TTC23: variants seen among roughly 807,000 people sequenced by gnomAD.
TTC23 encodes the protein tetratricopeptide repeat protein 23.
In TTC23, 58 loss-of-function variants were observed where a neutral mutation model predicts 55.1. The observed-to-expected ratio is 1.05, with a 90% CI of 0.85 to 1.31. The LOEUF (loss-of-function observed/expected upper bound fraction) is 1.31. TTC23 is among the 50% of genes most tolerant of loss of function. The pLI is 0.00. For synonymous variants in TTC23, 203 were observed against 199.9 expected (o/e 1.02, Z -0.13); for missense variants, 516 against 534.4 (o/e 0.97, Z 0.34).
intron 10 of TTC23, among the ~76,000 whole-genome samples, chr15:99,166,580 G>A (rs902138917): frequency 3.3e-5 from 5 of 152,234 alleles, no homozygotes; most frequent in Middle Eastern, 3.2e-3. Context: ...TGAAGGCAAC[G>A]CGGCTATCAA....
chr15:99,214,916 C>A (rs1017626904), intron 8 of TTC23, among the ~76,000 whole-genome samples: 1 of 123,526 alleles, frequency 8.1e-6, no homozygotes, highest in African/African-American at 3.1e-5. Flanking sequence ...AGTGCAATGG[C>A]GCGATCTTGG....
intron 5 of TTC23, among the ~76,000 whole-genome samples, chr15:99,226,071 A>G (rs1386635265): frequency 6.6e-6 from 1 of 152,250 alleles, no homozygotes; most frequent in Middle Eastern, 3.2e-3. Flanking sequence ...TATTTCCAAG[A>G]TATCAAGATC....
intron 10 of TTC23, 124 bp from the exon 11 acceptor site, chr15:99,161,991 T>C: frequency 9.9e-7 from 1 of 1,008,940 alleles, no homozygotes; most frequent in Non-Finnish European, 1.4e-6. Flanking sequence ...AAAAAACAGT[T>C]AAGACTGTCC....
chr15:99,144,987 A>T (rs1172713318), intron 12 of TTC23: 4 of 152,230 alleles, frequency 2.6e-5, no homozygotes, highest in Non-Finnish European at 4.4e-5. Flanking sequence ...AAATGTGATA[A>T]ATCTTTCAAG....
In TTC23 at chr15:99,200,078, C is replaced by T. The variant is rs1193586491; in HGVS notation, c.600G>A (p.Lys200=). Residue 200 remains lysine, a synonymous_variant, in exon 9 of 14, where the codon AAG becomes AAA. Transcript: ENST00000394132. ...AGTGGGACAAAGCTTCTTTTGACTT[C>T]TTCTGACCTTGATACACCCTAAAAA... ...LSFAQVYQGQ[K]KSKEALSHYQ... is the part of the protein sequence containing the mutation. 1 of 1,608,836 alleles carries T rather than the reference C, an allele frequency of 6.2e-7. No homozygotes were observed.
chr15:99,171,129 C>A (rs2072868772), intron 10 of TTC23, among the ~76,000 whole-genome samples: 1 of 152,238 alleles, frequency 6.6e-6, no homozygotes, highest in African/African-American at 2.4e-5. Flanking sequence ...GCATTTGTTT[C>A]CAGCCACTGC....
chr15:99,192,594 T>G (rs2075336110), intron 9 of TTC23, among the ~76,000 whole-genome samples: 1 of 152,152 alleles, frequency 6.6e-6, no homozygotes. Flanking sequence ...TTTCACAAGA[T>G]GTATGGAAAT....
intron 9 of TTC23, among the ~76,000 whole-genome samples, chr15:99,193,116 C>A (rs1026627408): frequency 2.0e-5 from 3 of 152,184 alleles, no homozygotes; most frequent in Non-Finnish European, 4.4e-5. Flanking sequence ...TGCTTTTTGA[C>A]TTTACAGGCT....
chr15:99,187,629 T>C (rs374307275), intron 9 of TTC23, among the ~76,000 whole-genome samples: 21 of 151,994 alleles, frequency 1.4e-4, no homozygotes, highest in African/African-American at 4.8e-4. Context: ...TAAATAACTA[T>C]TATCAGTCAA....
intron 12 of TTC23, chr15:99,140,815 A>G (rs1380768495): frequency 6.6e-6 from 1 of 152,240 alleles, no homozygotes; most frequent in African/African-American, 2.4e-5. Context: ...AAGACAAGCC[A>G]CGCTGAGGAA....
intron 5 of TTC23, among the ~76,000 whole-genome samples, chr15:99,227,619 T>C (rs1036669184): frequency 6.6e-6 from 1 of 152,220 alleles, no homozygotes; most frequent in African/African-American, 2.4e-5. Context: ...ACTCTTTCAC[T>C]AGGCCTTGAG....
chr15:99,146,321 C>G (rs2068853561), intron 12 of TTC23, among the ~76,000 whole-genome samples: 3 of 152,204 alleles, frequency 2.0e-5, no homozygotes, highest in Admixed American at 2.0e-4. Flanking sequence ...AAAGCTGGGC[C>G]TTCTGAGCTG....
chr15:99,186,005 A>G (rs2151955612), intron 9 of TTC23, among the ~76,000 whole-genome samples: 1 of 152,278 alleles, frequency 6.6e-6, no homozygotes, highest in South Asian at 2.1e-4. Context: ...AAATAACAAA[A>G]CCTCTTTGTG....
intron 9 of TTC23, among the ~76,000 whole-genome samples, chr15:99,190,999 G>C (rs543874957): frequency 1.5e-3 from 235 of 152,080 alleles, no homozygotes; most frequent in African/African-American, 5.4e-3. Flanking sequence ...TGCCCAGGCT[G>C]GTCTTGAACT....
chr15:99,184,092 G>A (rs1415962144), intron 9 of TTC23, among the ~76,000 whole-genome samples: 1 of 152,200 alleles, frequency 6.6e-6, no homozygotes, highest in Non-Finnish European at 1.5e-5. Context: ...TGAGGTTTGC[G>A]AACCTCTGGC....
intron 9 of TTC23, among the ~76,000 whole-genome samples, chr15:99,193,588 T>C (rs943501996): frequency 6.6e-6 from 1 of 152,214 alleles, no homozygotes; most frequent in African/African-American, 2.4e-5. Flanking sequence ...CCTCTTTCTT[T>C]TGTAAGTTGC....
rs1322585696 is a variant in TTC23, at chr15:99,221,872, G to A, written c.181-8C>T. The A allele has an allele frequency of 3.1e-6, 5 of 1,613,276 alleles. 1 individual carries two copies. The South Asian group carries it at 5.5e-5, about 18-fold the overall frequency. On this transcript the variant is annotated splice_region_variant and splice_polypyrimidine_tract_variant and intron_variant, in intron 5 of 13. Coordinates refer to ENST00000394132, the MANE Select transcript of TTC23 (RefSeq NM_001288615.3). ...ATGGACGGCCTGTTTGTACTGTTAG[G>A]AAGAGAAAACAGGCTTACCAGTTAT...
chr15:99,221,561 T>C (rs572519085), intron 6 of TTC23, among the ~76,000 whole-genome samples, 180 bp downstream of exon 6: 3 of 152,322 alleles, frequency 2.0e-5, no homozygotes, highest in African/African-American at 7.2e-5. Flanking sequence ...TTTCCATTTT[T>C]CCCCTTTGAA....
chr15:99,206,165 G>T (rs1385796975), intron 8 of TTC23, among the ~76,000 whole-genome samples: 1 of 152,250 alleles, frequency 6.6e-6, no homozygotes, highest in South Asian at 2.1e-4. Context: ...TTGCATCCCT[G>T]GGATGAATTC....
Sources: gnomAD v4.1 joint callset for allele counts (sites outside exome capture counted in the v4.1 genomes callset) on GRCh38, gnomAD v4.1.1 for gene constraint, MANE v1.5 for transcripts, NCBI Gene and HGNC (gene_info 2026-07-23, HGNC 2026-07-21) for gene names.